The following ADGRB3 variants were observed in gnomAD, a reference collection of about 807,000 sequenced individuals.
The protein encoded by ADGRB3 is brain-specific angiogenesis inhibitor 3.
ADGRB3 carries 37 observed loss-of-function variants against 193.4 expected under a neutral mutation model. The observed-to-expected ratio is 0.19, with a 90% CI of 0.15 to 0.25. The LOEUF (loss-of-function observed/expected upper bound fraction) is 0.25, where lower values mean the gene tolerates loss of function less well. ADGRB3 is among the 10% of genes least tolerant of loss of function. ADGRB3 has a pLI of 1.00. For synonymous variants in ADGRB3, 690 were observed against 644.2 expected (o/e 1.07, Z -1.08); for missense variants, 1,637 against 1,852.9 (o/e 0.88, Z 2.14).
chr6:68,858,611 A>C (rs970789455), intron 3 of ADGRB3, among the ~76,000 whole-genome samples: 3 of 149,444 alleles, frequency 2.0e-5, no homozygotes, highest in Non-Finnish European at 3.0e-5. Flanking sequence ...AAAAAAAAAA[A>C]CACAGCATAA....
intron 3 of ADGRB3, among the ~76,000 whole-genome samples, chr6:68,868,313 G>A (rs1418044829): frequency 2.6e-5 from 4 of 152,128 alleles, no homozygotes; most frequent in Non-Finnish European, 4.4e-5. Flanking sequence ...CGTAAGGTGT[G>A]TCTTTCTTCC....
chr6:68,817,307 GTATATATATATATA>G (rs60723627), intron 3 of ADGRB3, among the ~76,000 whole-genome samples: 718 of 44,058 alleles, frequency 0.016, 4 homozygotes, highest in East Asian at 0.024. Flanking sequence ...TTTTGTCCAT[GTATATATATATATA>G]TATATATATA....
rs979715766 is a variant in ADGRB3 at position 68,934,585 on chromosome 6, A to G, written c.869-1934A>G. 4.5e-4 allele frequency among the ~76,000 whole-genome samples: 69 copies of G among 152,288 alleles called. 3 individuals are homozygous for G. Among genetic ancestry groups the G allele is most frequent in the Admixed American group, 4.1e-3 (62 of 15,286 alleles). ...TTCATAATTTTCTGACTTTTAATTA[A>G]TAACATGCAACCATAATATTTATAC... On this transcript the variant is annotated intron_variant, in intron 4 of 31. Coordinates refer to ENST00000370598, the MANE Select transcript of ADGRB3 (RefSeq NM_001704.3).
intron 3 of ADGRB3, among the ~76,000 whole-genome samples, chr6:68,756,355 A>G (rs1303173101): frequency 1.3e-5 from 2 of 152,190 alleles, no homozygotes; most frequent in African/African-American, 4.8e-5. Context: ...TAATAAGATA[A>G]TATTTCAAGT....
At chr6:68,894,874 T>A (rs1766175845) in intron 3 of ADGRB3, among the ~76,000 whole-genome samples, 1 of 151,934 alleles carries the variant, frequency 6.6e-6, no homozygotes, top group South Asian at 2.1e-4. Context: ...GCTATTTTTT[T>A]AAAATTCAGT....
At chr6:69,146,655 A>G (rs997946664) in intron 17 of ADGRB3, among the ~76,000 whole-genome samples, 7 of 152,168 alleles carry the variant, frequency 4.6e-5, no homozygotes, top group Non-Finnish European at 8.8e-5. Context: ...GGCCCTGGCT[A>G]TGCCTCCCAC....
intron 20 of ADGRB3, among the ~76,000 whole-genome samples, chr6:69,275,123 A>G (rs922954802): frequency 7.2e-5 from 11 of 152,064 alleles, no homozygotes; most frequent in African/African-American, 2.2e-4. Flanking sequence ...CCTCTAGTAT[A>G]TTTTCCAAGT....
At chr6:69,095,617 T>C (rs1289652458) in intron 17 of ADGRB3, among the ~76,000 whole-genome samples, 1 of 152,206 alleles carries the variant, frequency 6.6e-6, no homozygotes, top group African/African-American at 2.4e-5. Context: ...CTAATAACTT[T>C]GTCTGTCTGG....
rs1257933329 is a variant in ADGRB3, at chr6:69,232,592, C to T, written c.2481-698C>T. The T allele has an allele frequency of 2.0e-6, 3 of 1,535,522 alleles. No homozygotes were observed. In the African/African-American group the frequency reaches 4.1e-5, roughly 21 times the overall value. Reference sequence around the variant, plus strand: ...AAAGAAATGTCAAGGACGTCAGAGGCGAGCTGGACTGAGTGAAGTGTGGAG... The same window carrying T: ...AAAGAAATGTCAAGGACGTCAGAGGTGAGCTGGACTGAGTGAAGTGTGGAG... On this transcript the variant is annotated intron_variant, in intron 17 of 31. Coordinates refer to ENST00000370598, the MANE Select transcript of ADGRB3 (RefSeq NM_001704.3).
chr6:69,138,153 T>C (rs1774210025), intron 17 of ADGRB3, among the ~76,000 whole-genome samples: 1 of 152,218 alleles, frequency 6.6e-6, no homozygotes, highest in Non-Finnish European at 1.5e-5. Flanking sequence ...GAAAGAAGCC[T>C]GGAATATATG....
chr6:69,375,584 A>G (rs1769798766), intron 30 of ADGRB3, among the ~76,000 whole-genome samples: 1 of 152,116 alleles, frequency 6.6e-6, no homozygotes, highest in Non-Finnish European at 1.5e-5. Context: ...ATTTTAGAAT[A>G]AAGATTCCTA....
intron 12 of ADGRB3, 27 bp from the exon 13 acceptor site, chr6:69,018,364 C>T: frequency 1.4e-6 from 2 of 1,428,624 alleles, no homozygotes; most frequent in Non-Finnish European, 1.9e-6. Flanking sequence ...ATTTTTTATT[C>T]CTTCTAACCT....
At chr6:68,859,535 G>C (rs1161520347) in intron 3 of ADGRB3, among the ~76,000 whole-genome samples, 1 of 152,210 alleles carries the variant, frequency 6.6e-6, no homozygotes, top group African/African-American at 2.4e-5. Flanking sequence ...GACATTGCTT[G>C]AGAGGCCTCA....
At chr6:69,073,375 T>A (rs1401333690) in intron 16 of ADGRB3, among the ~76,000 whole-genome samples, 1 of 152,176 alleles carries the variant, frequency 6.6e-6, no homozygotes, top group African/African-American at 2.4e-5. Flanking sequence ...ACCCAAGTGC[T>A]GGTGATGTTG....
rs117844209 is a variant in ADGRB3, at chr6:69,062,874, G to T, written c.2334-60G>T. On this transcript the variant is annotated intron_variant, in intron 15 of 31. Coordinates refer to ENST00000370598, the MANE Select transcript of ADGRB3 (RefSeq NM_001704.3). ...AAACCATCCCAAAATGTATTGAGCA[G>T]TAGGAATTTATACTTTTCAGCACTC... is the stretch of plus-strand genomic sequence containing the variant. The T allele has an allele frequency of 7.5e-5, 91 of 1,221,184 alleles. 1 individual carries two copies. In the East Asian group the frequency reaches 1.9e-3, roughly 25 times the overall value. The allele number at this position is 1,221,184 out of a possible 1,614,324, so 75.6% of individuals were successfully genotyped here.
chr6:69,095,769 A>G (rs1772855567), intron 17 of ADGRB3, among the ~76,000 whole-genome samples: 1 of 152,186 alleles, frequency 6.6e-6, no homozygotes, highest in Admixed American at 6.5e-5. Context: ...TATTGCTTCA[A>G]TATCACATGA....
At chr6:69,199,010 G>A (rs1402806242) in intron 17 of ADGRB3, among the ~76,000 whole-genome samples, 5 of 152,088 alleles carry the variant, frequency 3.3e-5, no homozygotes, top group Non-Finnish European at 7.4e-5. Flanking sequence ...CTAAATGCAG[G>A]TCCATTACCT....
At chr6:69,347,957 TCCAAGA>T (rs1398545831) in intron 26 of ADGRB3, among the ~76,000 whole-genome samples, 1 of 152,124 alleles carries the variant, frequency 6.6e-6, no homozygotes, top group Admixed American at 6.5e-5. Context: ...TATATACCTT[TCCAAGA>T]ATTCACCAAC....
At chr6:69,339,058 A>G (rs761285016) in intron 25 of ADGRB3, 44 bp downstream of exon 25, 1 of 1,588,336 alleles carries the variant, frequency 6.3e-7, no homozygotes, top group Non-Finnish European at 8.6e-7. Context: ...AATCTTTTAC[A>G]GTGCATGTGA....
Sources: allele counts gnomAD v4.1 joint callset (sites outside exome capture counted in the v4.1 genomes callset), GRCh38; gene constraint gnomAD v4.1.1; transcripts MANE v1.5; gene names NCBI Gene and HGNC (gene_info 2026-07-23, HGNC 2026-07-21).